UNC79: variants seen among roughly 807,000 people sequenced by gnomAD.
UNC79 encodes protein unc-79 homolog.
Under a neutral mutation model 283.1 loss-of-function variants are expected in UNC79, and 37 were observed. The observed-to-expected ratio is 0.13, with a 90% confidence interval of 0.10 to 0.17. The LOEUF is 0.17. Among genes scored for constraint, UNC79 ranks in the 10% least tolerant of loss-of-function variants. The pLI is 1.00. For missense variants in UNC79, 2,272 were observed against 3,211.1 expected, an observed-to-expected ratio of 0.71 and a Z score of 7.07; for synonymous variants, 1,107 against 1,200.2, an observed-to-expected ratio of 0.92 and a Z score of 1.61.
chr14:93,603,172 T>C, intron 25 of UNC79, 67 bp from the exon 26 acceptor site: 1 of 1,546,800 alleles, frequency 6.5e-7, no homozygotes, highest in South Asian at 1.2e-5. Context: ...TGGATTGTTT[T>C]AGACTAGGTG....
intron 1 of UNC79, among the ~76,000 whole-genome samples, chr14:93,404,471 CAG>C (rs2055174283): frequency 2.1e-5 from 1 of 47,480 alleles, no homozygotes; most frequent in Non-Finnish European, 4.2e-5. Context: ...GGCTGAATGA[CAG>C]AGTGAGACCT....
At chr14:93,391,368 A>G (rs2054879808) in intron 1 of UNC79, among the ~76,000 whole-genome samples, 1 of 152,252 alleles carries the variant, frequency 6.6e-6, no homozygotes, top group Non-Finnish European at 1.5e-5. Context: ...CATGGCAAAC[A>G]GTGAAGCTTT....
At chr14:93,454,014 A>G (rs1363908446) in intron 1 of UNC79, among the ~76,000 whole-genome samples, 1 of 151,580 alleles carries the variant, frequency 6.6e-6, no homozygotes, top group Non-Finnish European at 1.5e-5. Context: ...TCTCTGGGAC[A>G]TGTGAAGCAT....
chr14:93,530,976 C>T (rs1238428848), intron 10 of UNC79, among the ~76,000 whole-genome samples: 1 of 152,140 alleles, frequency 6.6e-6, no homozygotes, highest in Non-Finnish European at 1.5e-5. Context: ...GATTTGGGCT[C>T]ATATGGGTAA....
chr14:93,627,382 C>A (rs529156408), intron 30 of UNC79, among the ~76,000 whole-genome samples: 3 of 152,124 alleles, frequency 2.0e-5, no homozygotes, highest in Non-Finnish European at 4.4e-5. Flanking sequence ...TGACCTATTG[C>A]GGAAATAATG....
chr14:93,632,424 G>T (rs2068101457), intron 31 of UNC79, among the ~76,000 whole-genome samples: 1 of 152,216 alleles, frequency 6.6e-6, no homozygotes, highest in Non-Finnish European at 1.5e-5. Context: ...AGTGGGCTGG[G>T]TGTGGTGGCT....
chr14:93,603,724 C>CA (rs952512860), intron 26 of UNC79, among the ~76,000 whole-genome samples: 2 of 152,134 alleles, frequency 1.3e-5, no homozygotes, highest in Non-Finnish European at 1.5e-5. Flanking sequence ...TCCTAGGACA[C>CA]CAAAGTTTGC....
At chr14:93,679,804 T>A (rs2073687374) in intron 41 of UNC79, among the ~76,000 whole-genome samples, 1 of 152,238 alleles carries the variant, frequency 6.6e-6, no homozygotes, top group Non-Finnish European at 1.5e-5. Context: ...GAATGCATAT[T>A]TCAGTGCCCG....
chr14:93,680,569 G>A (rs2073764474), intron 41 of UNC79, among the ~76,000 whole-genome samples: 1 of 152,062 alleles, frequency 6.6e-6, no homozygotes, highest in African/African-American at 2.4e-5. Context: ...GTCTTAGACT[G>A]AAGACTTAGA....
chr14:93,677,338 T>C (rs922439709), intron 41 of UNC79, among the ~76,000 whole-genome samples: 4 of 152,200 alleles, frequency 2.6e-5, no homozygotes, highest in African/African-American at 7.2e-5. Context: ...AGAGGTTTAA[T>C]TGACTCACAG....
intron 35 of UNC79, among the ~76,000 whole-genome samples, chr14:93,649,811 C>T (rs8009498): frequency 0.04 from 6,014 of 152,186 alleles, 352 homozygotes; most frequent in African/African-American, 0.13. Context: ...TGTACATTGA[C>T]GATGGTTGTT....
intron 1 of UNC79, among the ~76,000 whole-genome samples, chr14:93,348,576 C>T (rs2139905335): frequency 1.3e-5 from 2 of 152,214 alleles, no homozygotes; most frequent in East Asian, 3.9e-4. Context: ...CCATGCCACA[C>T]TTCACAATTT....
chr14:93,429,889 C>A (rs1473725033), upstream of UNC79, among the ~76,000 whole-genome samples: 1 of 152,152 alleles, frequency 6.6e-6, no homozygotes, highest in Non-Finnish European at 1.5e-5. Context: ...TTTTAATGTT[C>A]CCATTTTACA....
At chr14:93,346,947 GA>G (rs1428357495) in intron 1 of UNC79, among the ~76,000 whole-genome samples, 1 of 151,484 alleles carries the variant, frequency 6.6e-6, no homozygotes, top group African/African-American at 2.4e-5. Flanking sequence ...AGGGGGTACT[GA>G]ACTGAAGAGA....
At chr14:93,669,056 C>T (rs1386503121) in intron 40 of UNC79, among the ~76,000 whole-genome samples, 1 of 144,818 alleles carries the variant, frequency 6.9e-6, no homozygotes, top group East Asian at 2.0e-4. Flanking sequence ...GAGAGCATTA[C>T]ACAATGTTAA....
At position 93,430,821 on chromosome 14, in the gene UNC79, CG is replaced by C; in HGVS notation, c.-204del. 2 of 500,030 alleles carry C rather than the reference CG, an allele frequency of 4.0e-6. No homozygotes were observed. The highest frequency in any genetic ancestry group is 7.3e-6 in the Non-Finnish European group (2 of 274,662). The allele number at this position is 500,030 out of a possible 1,614,324, so 31.0% of individuals were successfully genotyped here. A position where few individuals can be genotyped will look rare whatever the true frequency, so the allele number is the denominator to read the frequency against. Reference sequence around the variant, plus strand: ...GCCTATTAAATCCCACCCATTTCTCCGGGGGCGATTTCCTAACCTTCCGGGA... The same window carrying C: ...GCCTATTAAATCCCACCCATTTCTCCGGGGCGATTTCCTAACCTTCCGGGA... On this transcript the variant is annotated 5_prime_UTR_variant, in exon 1 of 49. Coordinates refer to ENST00000555664, the Ensembl canonical transcript of UNC79. The surrounding 1 kb of genome is among the most constrained non-coding windows in gnomAD (Gnocchi z 4.6).
At chr14:93,358,262 A>G (rs1566890609) in intron 1 of UNC79, among the ~76,000 whole-genome samples, 2 of 152,252 alleles carry the variant, frequency 1.3e-5, no homozygotes, top group South Asian at 2.1e-4. Flanking sequence ...TAGTGACTCT[A>G]TACATCATAC....
At chr14:93,379,706 G>A (rs1180864084) in intron 1 of UNC79, among the ~76,000 whole-genome samples, 1 of 151,074 alleles carries the variant, frequency 6.6e-6, no homozygotes, top group African/African-American at 2.4e-5. Flanking sequence ...GGGACTGCAG[G>A]GGGAGGGTGG....
intron 1 of UNC79, among the ~76,000 whole-genome samples, chr14:93,462,414 A>AT (rs1184094497): frequency 2.0e-5 from 3 of 152,224 alleles, no homozygotes; most frequent in Non-Finnish European, 2.9e-5. Context: ...AGGATTTGGG[A>AT]TTTTGTCCTG....
Sources: gnomAD v4.1 joint callset for allele counts (sites outside exome capture counted in the v4.1 genomes callset) on GRCh38, gnomAD v4.1.1 for gene constraint, Gnocchi (gnomAD v3.1) non-coding constraint, MANE v1.5 for transcripts, NCBI Gene and HGNC (gene_info 2026-07-23, HGNC 2026-07-21) for gene names.